Variants in NEK6 observed in about 807,000 individuals in gnomAD.
NEK6 encodes the protein serine/threonine-protein kinase Nek6.
Under a neutral mutation model 43.5 loss-of-function variants are expected in NEK6, and 27 were observed. The observed-to-expected ratio is 0.62, with a 90% CI of 0.46 to 0.86. The LOEUF (loss-of-function observed/expected upper bound fraction) is 0.86, where lower values mean the gene tolerates loss of function less well. Ranked by LOEUF, NEK6 falls within the 40% of genes least tolerant of loss-of-function variation. The pLI is 0.00. For synonymous variants in NEK6, 167 were observed against 164.1 expected, an observed-to-expected ratio of 1.02 and a Z score of -0.14; for missense variants, 318 against 414.4, an observed-to-expected ratio of 0.77 and a Z score of 2.02.
chr9:124,284,655 C>G (rs554099387), intron 1 of NEK6, among the ~76,000 whole-genome samples: 24 of 152,378 alleles, frequency 1.6e-4, no homozygotes, highest in Admixed American at 4.6e-4. Context: ...GGGCCCTGTC[C>G]TTCCACACCT....
chr9:124,335,263 C>T (rs1829228192), intron 7 of NEK6, among the ~76,000 whole-genome samples: 1 of 152,060 alleles, frequency 6.6e-6, no homozygotes, highest in Admixed American at 6.6e-5. Context: ...TTTACTTTTG[C>T]TCCCTCGTGA....
At chr9:124,327,723 G>A (rs1828728527) in intron 7 of NEK6, among the ~76,000 whole-genome samples, 1 of 152,208 alleles carries the variant, frequency 6.6e-6, no homozygotes, top group African/African-American at 2.4e-5. Context: ...GCGTGTCTGT[G>A]GCACAGGGCG....
Position 124,321,555 on chromosome 9 carries a change from T to C in NEK6, c.391T>C (p.Ser131Pro). The change falls in exon 5 of 10, where the codon TCG becomes CCG. Residue 131 changes from serine to proline, a missense_variant. Physicochemically the swap from Ser to Pro is moderately conservative, Grantham distance 74. Coordinates refer to ENST00000320246, the MANE Select transcript of NEK6 (RefSeq NM_014397.6). ...VLELADAGDL[S>P]QMIKYFKKQK... ...GGAGTTGGCTGACGCAGGGGACCTCTCGCAGATGATCAAGGTGAGCGCCTG... is the reference window on the plus strand; with the variant it reads ...GGAGTTGGCTGACGCAGGGGACCTCCCGCAGATGATCAAGGTGAGCGCCTG... 6.2e-7 allele frequency: 1 copy of C among 1,611,506 alleles called. No individual in the cohort carries two copies. Among genetic ancestry groups the C allele is most frequent in the Non-Finnish European group, 8.5e-7 (1 of 1,177,598 alleles).
At chr9:124,338,964 C>T (rs1829433643) in intron 7 of NEK6, among the ~76,000 whole-genome samples, 1 of 152,064 alleles carries the variant, frequency 6.6e-6, no homozygotes, top group Non-Finnish European at 1.5e-5. Context: ...GAGGCATCCC[C>T]TTCCCCTGGG....
chr9:124,282,340 T>C (rs1831950978), intron 1 of NEK6, among the ~76,000 whole-genome samples: 1 of 152,224 alleles, frequency 6.6e-6, no homozygotes, highest in African/African-American at 2.4e-5. Flanking sequence ...TCCTTGTGCG[T>C]CTGTCTCTGT....
chr9:124,261,282 A>AT lies in NEK6; in HGVS notation c.-30+3203dup, dbSNP rs1258053545. On this transcript the variant is annotated intron_variant, in intron 1 of 9. Coordinates refer to ENST00000320246, the MANE Select transcript of NEK6 (RefSeq NM_014397.6). The stretch of plus-strand genomic sequence containing the variant: ...CTGGAGAGAAAGGGCTGCTGTTCAC[A>AT]TTTTTTCTTTTCTTTAAGTGCCCCA... 5 of 534,192 alleles carry AT rather than the reference A, an allele frequency of 9.4e-6. No individual in the cohort carries two copies. The African/African-American group carries it at 1.0e-4, about 11-fold the overall frequency. 33.1% of individuals were successfully genotyped at this position (534,192 alleles called of 1,614,324 possible).
chr9:124,260,877 G>C (rs1831004591), intron 1 of NEK6, among the ~76,000 whole-genome samples: 1 of 152,228 alleles, frequency 6.6e-6, no homozygotes, highest in Non-Finnish European at 1.5e-5. Context: ...AGCAGAGCTG[G>C]ATTTGAACCC....
chr9:124,332,372 C>T (rs1277406067), intron 7 of NEK6, among the ~76,000 whole-genome samples: 1 of 152,194 alleles, frequency 6.6e-6, no homozygotes, highest in Admixed American at 6.5e-5. Context: ...CAGGGGGGGA[C>T]CCTCTGTTTT....
intron 1 of NEK6, among the ~76,000 whole-genome samples, chr9:124,273,708 G>A (rs1382969772): frequency 3.9e-5 from 6 of 152,210 alleles, no homozygotes; most frequent in Non-Finnish European, 7.3e-5. Context: ...TATTTAAAGC[G>A]GGAGTTGAGG....
Position 124,258,072 on chromosome 9 carries a change from C to G in NEK6, c.-43C>G. On this transcript the variant is annotated 5_prime_UTR_variant, in exon 1 of 10. Transcript: ENST00000320246. The stretch of plus-strand genomic sequence containing the variant: ...ACCGGTCCCCCAGCGGCAGCCGAGC[C>G]CGCCCGCGCGCCGGTGAGTCGCCTG... 1.0e-6 allele frequency: 1 copy of G among 979,316 alleles called. No individual in the cohort carries two copies. Among genetic ancestry groups the G allele is most frequent in the Non-Finnish European group, 1.2e-6 (1 of 827,626 alleles). The allele number at this position is 979,316 out of a possible 1,614,324, so 60.7% of individuals were successfully genotyped here. A position where few individuals can be genotyped will look rare whatever the true frequency, so the allele number is the denominator to read the frequency against.
chr9:124,327,096 G>T lies in NEK6; in HGVS notation c.515-242G>T, dbSNP rs535446813. On this transcript the variant is annotated intron_variant, in intron 6 of 9. Transcript: ENST00000320246. ...AGGAAACAGGAGCACAGAAACCCCTGCTGTCTTAACCCTCACAGCAGCTCT... is the reference window on the plus strand; with the variant it reads ...AGGAAACAGGAGCACAGAAACCCCTTCTGTCTTAACCCTCACAGCAGCTCT... Among the ~76,000 whole-genome samples, 4 of 152,300 alleles carry T rather than the reference G, an allele frequency of 2.6e-5. No individual in the cohort carries two copies. The East Asian group carries it at 7.7e-4, about 29-fold the overall frequency.
At position 124,265,067 on chromosome 9, in the gene NEK6, G is replaced by T. The variant is rs796654125; in HGVS notation, c.-30+6982G>T. Among the ~76,000 whole-genome samples, 10 of 152,176 alleles carry T rather than the reference G, an allele frequency of 6.6e-5. No homozygotes were observed. In the South Asian group the frequency reaches 2.1e-3, roughly 31 times the overall value. ...GTGGTTTCCAGGGCCTTTGGGGAGG[G>T]GAGACTGGGGAGCGACTGATTAAGG... On this transcript the variant is annotated intron_variant, in intron 1 of 9. Transcript: ENST00000320246.
intron 1 of NEK6, among the ~76,000 whole-genome samples, chr9:124,277,339 G>T (rs1831686803): frequency 6.6e-6 from 1 of 152,222 alleles, no homozygotes; most frequent in Non-Finnish European, 1.5e-5. Context: ...CCAGCTACTT[G>T]GGAGGCTGAG....
intron 7 of NEK6, among the ~76,000 whole-genome samples, chr9:124,334,853 A>T (rs1829207808): frequency 6.6e-6 from 1 of 152,138 alleles, no homozygotes; most frequent in African/African-American, 2.4e-5. Context: ...GCCAGGCCAC[A>T]CCCCGGCCCC....
At chr9:124,284,546 T>A (rs1832067286) in intron 1 of NEK6, among the ~76,000 whole-genome samples, 1 of 152,216 alleles carries the variant, frequency 6.6e-6, no homozygotes, top group Non-Finnish European at 1.5e-5. Flanking sequence ...GCTCCGGGGA[T>A]TTTCTGGGCG....
At chr9:124,267,169 G>A (rs752385393) in intron 1 of NEK6, among the ~76,000 whole-genome samples, 2 of 152,248 alleles carry the variant, frequency 1.3e-5, no homozygotes, top group African/African-American at 4.8e-5. Context: ...TGGCAAATGA[G>A]CAGGACCCCA....
chr9:124,262,529 G>C (rs999030810), intron 1 of NEK6, among the ~76,000 whole-genome samples: 1 of 152,214 alleles, frequency 6.6e-6, no homozygotes, highest in Admixed American at 6.5e-5. Context: ...ATGACTTCTC[G>C]GGTGATCTGG....
intron 7 of NEK6, among the ~76,000 whole-genome samples, chr9:124,336,245 AAAAAG>A (rs1829283239): frequency 6.6e-6 from 1 of 151,820 alleles, no homozygotes; most frequent in African/African-American, 2.4e-5. Flanking sequence ...CTTAAAGAAA[AAAAAG>A]AAGAAGAAAG....
At chr9:124,336,573 A>G (rs1829301756) in intron 7 of NEK6, among the ~76,000 whole-genome samples, 1 of 152,028 alleles carries the variant, frequency 6.6e-6, no homozygotes, top group African/African-American at 2.4e-5. Flanking sequence ...CCTCTTCCTC[A>G]TGTCACAGGC....
Sources: allele counts gnomAD v4.1 joint callset (sites outside exome capture counted in the v4.1 genomes callset), GRCh38; gene constraint gnomAD v4.1.1; transcripts MANE v1.5; gene names NCBI Gene and HGNC (gene_info 2026-07-23, HGNC 2026-07-21).